TEX11: variants seen among roughly 807,000 people sequenced by gnomAD.
TEX11 encodes the protein testis-expressed protein 11.
Under a neutral mutation model 84.4 loss-of-function variants are expected in TEX11, and 7 were observed. That is an observed-to-expected ratio of 0.08 (90% CI 0.05 to 0.16). TEX11 has a LOEUF of 0.16. TEX11 is among the 10% of genes least tolerant of loss of function. The pLI, the probability that TEX11 is intolerant of heterozygous loss-of-function variation, is 1.00. For synonymous variants in TEX11, 264 were observed against 222.8 expected (o/e 1.18, Z -1.64); for missense variants, 551 against 660.5 (o/e 0.83, Z 1.82).
intron 8 of TEX11, among the ~76,000 whole-genome samples, chrX:70,813,969 A>G (rs2091272687): frequency 8.9e-6 from 1 of 112,026 alleles, no homozygotes; most frequent in Non-Finnish European, 1.9e-5. Context: ...CAAATGGAAG[A>G]ACACATTCCA....
chrX:70,564,756 A>G (rs921330270), intron 25 of TEX11, among the ~76,000 whole-genome samples: 5 of 108,979 alleles, frequency 4.6e-5, no homozygotes, highest in Non-Finnish European at 3.8e-5. Flanking sequence ...ATGGCTGCAT[A>G]GTATTCCATG....
chrX:70,879,956 CTT>C (rs2091674488), intron 3 of TEX11, 30 bp downstream of exon 3: 4 of 1,123,782 alleles, frequency 3.6e-6, no homozygotes, highest in Non-Finnish European at 4.8e-6. Context: ...ATCATCGAAA[CTT>C]ATCATAAACA....
intron 8 of TEX11, among the ~76,000 whole-genome samples, chrX:70,821,570 C>A (rs1055606853): frequency 1.8e-5 from 2 of 112,176 alleles, no homozygotes; most frequent in Non-Finnish European, 3.8e-5. Flanking sequence ...CCCCTGCCAC[C>A]CCAAGCCTTG....
At chrX:70,518,113 T>C in the TEX11 span, among the ~76,000 whole-genome samples, 1 of 111,213 alleles carries the variant, frequency 9.0e-6, no homozygotes, top group Non-Finnish European at 1.9e-5. Context: ...TTTTTGTGTC[T>C]CTATCTCCTT....
At chrX:70,683,502 G>A (rs192486948) in intron 13 of TEX11, among the ~76,000 whole-genome samples, 26 of 111,266 alleles carry the variant, frequency 2.3e-4, no homozygotes, top group Admixed American at 1.1e-3. Context: ...CATGCTTGTA[G>A]TCTCAGCTAC....
chrX:70,771,975 C>T (rs761161639), intron 9 of TEX11, among the ~76,000 whole-genome samples: 10 of 111,927 alleles, frequency 8.9e-5, no homozygotes, highest in African/African-American at 2.6e-4. Context: ...AGCCTCAGTG[C>T]TAGATCAGTC....
At chrX:70,704,422 C>A (rs1382770498) in intron 13 of TEX11, among the ~76,000 whole-genome samples, 1 of 111,201 alleles carries the variant, frequency 9.0e-6, no homozygotes, top group African/African-American at 3.3e-5. Flanking sequence ...AATTAAAAGC[C>A]CTTAGAATAG....
chrX:70,547,252 G>T (rs1189894156), intron 28 of TEX11, among the ~76,000 whole-genome samples: 1 of 110,517 alleles, frequency 9.0e-6, no homozygotes, highest in African/African-American at 3.3e-5. Context: ...CTGCAAATGG[G>T]CAAGGGGAAA....
chrX:70,715,730 G>A (rs1217114124), intron 13 of TEX11, among the ~76,000 whole-genome samples: 1 of 111,622 alleles, frequency 9.0e-6, no homozygotes, highest in East Asian at 2.8e-4. Context: ...TTTGTCTTCG[G>A]TTTGAACTTC....
chrX:70,718,176 G>A (rs1323438633), intron 13 of TEX11, among the ~76,000 whole-genome samples: 1 of 111,809 alleles, frequency 8.9e-6, no homozygotes, highest in Non-Finnish European at 1.9e-5. Context: ...TGTCTAATTA[G>A]GATTCAGTAC....
At chrX:70,811,828 T>C (rs1266587931) in intron 8 of TEX11, among the ~76,000 whole-genome samples, 1 of 111,991 alleles carries the variant, frequency 8.9e-6, no homozygotes, top group East Asian at 2.8e-4. Context: ...TGTCTTCTTT[T>C]GAGAAGTGTC....
intron 24 of TEX11, among the ~76,000 whole-genome samples, chrX:70,592,724 A>T (rs1223935016): frequency 9.0e-6 from 1 of 111,249 alleles, no homozygotes; most frequent in Non-Finnish European, 1.9e-5. Context: ...GAAGTGGGCC[A>T]CTGTCCCTGC....
intron 25 of TEX11, among the ~76,000 whole-genome samples, chrX:70,588,382 C>T (rs1218653472): frequency 9.0e-6 from 1 of 111,621 alleles, no homozygotes; most frequent in Non-Finnish European, 1.9e-5. Flanking sequence ...CAATTTCCCT[C>T]TTGCCCTTCT....
At chrX:70,846,384 T>A (rs1602178796) in intron 7 of TEX11, 1 of 112,381 alleles carries the variant, frequency 8.9e-6, no homozygotes, top group East Asian at 2.8e-4. Flanking sequence ...TCCTGATTCA[T>A]GTTGAAGTGC....
the TEX11 span, among the ~76,000 whole-genome samples, chrX:70,519,286 G>A: frequency 8.9e-6 from 1 of 111,777 alleles, no homozygotes; most frequent in Non-Finnish European, 1.9e-5. Context: ...CTTCCTTCAG[G>A]AGCTCTTGTA....
At chrX:70,667,833 A>G in intron 16 of TEX11, among the ~76,000 whole-genome samples, 1 of 111,158 alleles carries the variant, frequency 9.0e-6, no homozygotes, top group Admixed American at 9.5e-5. Context: ...AGGCTGAGAC[A>G]GGAGAATTGC....
At chrX:70,657,457 A>T (rs1379190639) in intron 16 of TEX11, among the ~76,000 whole-genome samples, 2 of 74,217 alleles carry the variant, frequency 2.7e-5, no homozygotes, top group Non-Finnish European at 5.7e-5. Context: ...TAAAAAATTA[A>T]AAAAAAAAAA....
intron 9 of TEX11, among the ~76,000 whole-genome samples, chrX:70,795,804 A>G (rs182076869): frequency 3.9e-4 from 44 of 111,752 alleles, no homozygotes; most frequent in African/African-American, 1.3e-3. Context: ...TCTAAGGCAG[A>G]TACGGCTGCT....
chrX:70,731,185 C>T (rs1174807558), intron 11 of TEX11, among the ~76,000 whole-genome samples: 1 of 111,554 alleles, frequency 9.0e-6, no homozygotes, highest in African/African-American at 3.3e-5. Flanking sequence ...GCACTAAATG[C>T]CCACAAGAGA....
Sources: allele counts gnomAD v4.1 joint callset (sites outside exome capture counted in the v4.1 genomes callset), GRCh38; gene constraint gnomAD v4.1.1; transcripts MANE v1.5; gene names NCBI Gene and HGNC (gene_info 2026-07-23, HGNC 2026-07-21).